Variants in FTO observed in about 807,000 individuals in gnomAD.
The protein encoded by FTO is alpha-ketoglutarate-dependent dioxygenase FTO.
In FTO, 47 loss-of-function variants were observed where a neutral mutation model predicts 63.9. The ratio of observed to expected loss-of-function variants is 0.74; its 90% CI spans 0.58 to 0.94. The LOEUF is 0.94. FTO is among the 40% of genes least tolerant of loss of function. The pLI is 0.00. For synonymous variants in FTO, 207 were observed against 224.4 expected (o/e 0.92, Z 0.69); for missense variants, 562 against 618.1 (o/e 0.91, Z 0.96).
intron 1 of FTO, among the ~76,000 whole-genome samples, chr16:53,710,322 G>T (rs1273576095): frequency 6.8e-6 from 1 of 147,778 alleles, no homozygotes; most frequent in African/African-American, 2.5e-5. Context: ...CTGGAGTGCA[G>T]TGGCGCGATC....
intron 8 of FTO, among the ~76,000 whole-genome samples, chr16:54,097,002 C>T (rs2086529051): frequency 6.6e-6 from 1 of 152,212 alleles, no homozygotes; most frequent in African/African-American, 2.4e-5. Flanking sequence ...AAGGCCTTGG[C>T]ACTAGCTGTG....
chr16:53,834,339 A>G (rs895785375), intron 3 of FTO, among the ~76,000 whole-genome samples: 1 of 152,134 alleles, frequency 6.6e-6, no homozygotes, highest in Non-Finnish European at 1.5e-5. Context: ...TTTTGATGAT[A>G]TATTAATGTG....
chr16:53,951,944 G>A (rs1470834379), intron 8 of FTO, among the ~76,000 whole-genome samples: 1 of 152,120 alleles, frequency 6.6e-6, no homozygotes, highest in African/African-American at 2.4e-5. Flanking sequence ...TTATAAACTG[G>A]AGGGGTGCAG....
intron 5 of FTO, among the ~76,000 whole-genome samples, chr16:53,878,298 G>A (rs565595687): frequency 6.6e-6 from 1 of 151,468 alleles, no homozygotes; most frequent in African/African-American, 2.4e-5. Flanking sequence ...GTGAGACCCC[G>A]TCTCAAAAAA....
chr16:53,976,645 TG>T (rs2083444315), intron 8 of FTO, among the ~76,000 whole-genome samples: 1 of 152,204 alleles, frequency 6.6e-6, no homozygotes, highest in Non-Finnish European at 1.5e-5. Context: ...ATAAATGCAT[TG>T]AATTTATAGG....
intron 3 of FTO, among the ~76,000 whole-genome samples, chr16:53,835,387 G>A (rs1413128964): frequency 4.6e-5 from 7 of 152,116 alleles, no homozygotes; most frequent in African/African-American, 1.7e-4. Context: ...GTTTTCTTCA[G>A]AAAGATGCTT....
At chr16:53,975,053 T>G (rs190718238) in intron 8 of FTO, among the ~76,000 whole-genome samples, 52 of 152,242 alleles carry the variant, frequency 3.4e-4, no homozygotes, top group African/African-American at 1.2e-3. Context: ...ATATTTCTAT[T>G]TCTAAATTGA....
chr16:53,735,548 C>T (rs544890263), intron 1 of FTO, among the ~76,000 whole-genome samples: 1 of 152,304 alleles, frequency 6.6e-6, no homozygotes, highest in African/African-American at 2.4e-5. Flanking sequence ...TGATCACCCT[C>T]CTTTTTTAGG....
intron 1 of FTO, among the ~76,000 whole-genome samples, chr16:53,735,739 T>C (rs2076378199): frequency 1.3e-5 from 2 of 152,242 alleles, no homozygotes; most frequent in African/African-American, 2.4e-5. Flanking sequence ...TCAATCTATC[T>C]GTGTAAGGAA....
Position 53,883,771 on chromosome 16 carries a change from G to C in FTO, c.1119+3784G>C, listed in dbSNP as rs1598904571. On this transcript the variant is annotated intron_variant, in intron 6 of 8. Coordinates refer to ENST00000471389, the MANE Select transcript of FTO (RefSeq NM_001080432.3). ...GGGGTTGAATAGAGAGATTGATCTT[G>C]AATTTAAATAGCGTGTGTGCCAGTC... Among the ~76,000 whole-genome samples, 6 of 152,082 alleles carry C rather than the reference G, an allele frequency of 3.9e-5. No individual in the cohort carries two copies. In the South Asian group the frequency reaches 1.2e-3, roughly 32 times the overall value.
intron 1 of FTO, among the ~76,000 whole-genome samples, chr16:53,737,721 T>A (rs1293151274): frequency 6.6e-6 from 1 of 152,150 alleles, no homozygotes; most frequent in Admixed American, 6.5e-5. Context: ...GGAAACATGT[T>A]TATTGGCTCC....
chr16:53,744,781 T>G (rs2076608343), intron 1 of FTO, among the ~76,000 whole-genome samples: 1 of 151,874 alleles, frequency 6.6e-6, no homozygotes, highest in Admixed American at 6.6e-5. Context: ...CGTGAAGTAA[T>G]TAAATTTGCA....
intron 8 of FTO, among the ~76,000 whole-genome samples, chr16:54,108,041 G>A (rs1312864062): frequency 1.3e-5 from 2 of 152,158 alleles, no homozygotes; most frequent in African/African-American, 4.8e-5. Context: ...GGTGGAGCTA[G>A]TCCCACCCAC....
intron 1 of FTO, among the ~76,000 whole-genome samples, chr16:53,741,398 T>C (rs1338431285): frequency 2.6e-5 from 4 of 152,202 alleles, no homozygotes; most frequent in African/African-American, 9.7e-5. Flanking sequence ...GTAACTTCTA[T>C]TGCATTGTTT....
At chr16:54,094,281 A>G (rs180992374) in intron 8 of FTO, among the ~76,000 whole-genome samples, 2 of 152,296 alleles carry the variant, frequency 1.3e-5, no homozygotes, top group Non-Finnish European at 2.9e-5. Flanking sequence ...CTGCAAGCCT[A>G]AGGCGGTCTC....
intron 1 of FTO, among the ~76,000 whole-genome samples, chr16:53,719,258 T>TC (rs1372970414): frequency 0.012 from 279 of 24,188 alleles, 1 homozygote; most frequent in Non-Finnish European, 0.026. Flanking sequence ...TTCTTCTTTT[T>TC]TTTTTTTTTT....
chr16:53,853,445 GT>G (rs58676120), intron 4 of FTO, among the ~76,000 whole-genome samples: 2 of 149,282 alleles, frequency 1.3e-5, no homozygotes, highest in South Asian at 2.1e-4. Context: ...TAAGTGTTTT[GT>G]TTTTTTTTTC....
chr16:54,102,266 C>A (rs1290758562), intron 8 of FTO, among the ~76,000 whole-genome samples: 2 of 152,086 alleles, frequency 1.3e-5, no homozygotes, highest in African/African-American at 4.8e-5. Context: ...GAAAAAGACA[C>A]CAAAAGCAAT....
intron 7 of FTO, among the ~76,000 whole-genome samples, chr16:53,897,290 G>A (rs1220583058): frequency 6.6e-6 from 1 of 151,938 alleles, no homozygotes; most frequent in Admixed American, 6.6e-5. Flanking sequence ...AAAATCTCAG[G>A]CAGATCATCT....
Sources: allele counts gnomAD v4.1 joint callset (sites outside exome capture counted in the v4.1 genomes callset), GRCh38; gene constraint gnomAD v4.1.1; transcripts MANE v1.5; gene names NCBI Gene and HGNC (gene_info 2026-07-23, HGNC 2026-07-21).